The following DLGAP5 variants were observed in gnomAD, a reference collection of about 807,000 sequenced individuals.
DLGAP5 encodes disks large-associated protein 5.
Under a neutral mutation model 99.6 loss-of-function variants are expected in DLGAP5, and 90 were observed. The ratio of observed to expected loss-of-function variants is 0.90; its 90% CI spans 0.76 to 1.08. The LOEUF is 1.08. Among genes scored for constraint, DLGAP5 ranks in the 50% least tolerant of loss-of-function variants. The pLI is 0.00. For missense variants in DLGAP5, 1,036 were observed against 983.5 expected, an observed-to-expected ratio of 1.05 and a Z score of -0.71; for synonymous variants, 311 against 321.3, an observed-to-expected ratio of 0.97 and a Z score of 0.34.
At position 55,150,830 on chromosome 14, in the gene DLGAP5, C is replaced by T. The variant is rs1881988960; in HGVS notation, c.2387G>A (p.Ser796Asn). Residue 796 changes from serine to asparagine, a missense_variant, in exon 18 of 19, where the codon AGT becomes AAT. By Grantham distance (46) the Ser-to-Asn change is conservative. Coordinates refer to ENST00000247191, the MANE Select transcript of DLGAP5 (RefSeq NM_014750.5). ...ISQSELFDNK[S>N]LTTECHLLDS... ...AAGAAGGTGGCATTCAGTAGTGAGA[C>T]TTTTATTATCAAATAGTTCTGAAAA... 2 of 1,582,708 alleles carry T rather than the reference C, an allele frequency of 1.3e-6. No individual in the cohort carries two copies. The highest frequency in any genetic ancestry group is 1.7e-4 in the Middle Eastern group (1 of 5,930).
rs747869629 is a variant in DLGAP5 at position 55,189,112 on chromosome 14, A to G, written c.68T>C (p.Ile23Thr). The change falls in exon 2 of 19, where the codon ATT becomes ACT. Residue 23 changes from isoleucine to threonine, a missense_variant. Physicochemically the swap from Ile to Thr is moderately conservative, Grantham distance 89 (BLOSUM62 -1). Transcript: ENST00000247191. Reference protein sequence around the residue: ...DISTEMIRTKIAHRKSLSQKE... With the variant: ...DISTEMIRTKTAHRKSLSQKE... The stretch of plus-strand genomic sequence containing the variant: ...CTGAGACAGTGATTTCCTATGAGCA[A>G]TTTTAGTTCTAATCATTTCAGTACT... 2 of 1,613,966 alleles carry G rather than the reference A, an allele frequency of 1.2e-6. No individual in the cohort carries two copies. Among genetic ancestry groups the G allele is most frequent in the Non-Finnish European group, 1.7e-6 (2 of 1,179,956 alleles).
At chr14:55,167,776 G>A (rs964605945) in intron 12 of DLGAP5, among the ~76,000 whole-genome samples, 3 of 152,210 alleles carry the variant, frequency 2.0e-5, no homozygotes, top group Non-Finnish European at 4.4e-5. Context: ...AGAATTTTCA[G>A]AGTATTGTTC....
At chr14:55,182,268 T>G (rs542859377) in intron 4 of DLGAP5, 102 bp downstream of exon 4, 49 of 990,790 alleles carry the variant, frequency 4.9e-5, no homozygotes, top group Non-Finnish European at 7.0e-5. Flanking sequence ...CTCTAGTAAA[T>G]TAATCATTAT....
chr14:55,150,549 C>A (rs1453116747), intron 18 of DLGAP5: 1 of 261,550 alleles, frequency 3.8e-6, no homozygotes, highest in African/African-American at 2.3e-5. Flanking sequence ...ATTCAAGTAC[C>A]CAGTTTGTCA....
chr14:55,181,370 T>G, intron 4 of DLGAP5, 73 bp from the exon 5 acceptor site: 1 of 1,249,828 alleles, frequency 8.0e-7, no homozygotes, highest in Non-Finnish European at 1.1e-6. Context: ...AATCTGTAAA[T>G]TGATTCCTCA....
intron 14 of DLGAP5, among the ~76,000 whole-genome samples, chr14:55,156,728 G>C (rs988364181): frequency 6.6e-6 from 1 of 152,126 alleles, no homozygotes; most frequent in African/African-American, 2.4e-5. Flanking sequence ...ACAACTAGAT[G>C]AAAGTACCCT....
At chr14:55,159,043 AC>A (rs34645298) in intron 13 of DLGAP5, among the ~76,000 whole-genome samples, 8,783 of 136,002 alleles carry the variant, frequency 0.065, 362 homozygotes, top group South Asian at 0.11. Flanking sequence ...TAACCATGAC[AC>A]CCCCCCCCCA....
chr14:55,177,005 G>C, intron 8 of DLGAP5, 57 bp downstream of exon 8: 28 of 309,344 alleles, frequency 9.1e-5, no homozygotes, highest in Non-Finnish European at 1.1e-4. Flanking sequence ...AAAAAAAAAA[G>C]AAAGGCATTT....
chr14:55,180,872 C>T (rs1883248941), intron 5 of DLGAP5, 94 bp from the exon 6 acceptor site: 11 of 1,500,334 alleles, frequency 7.3e-6, no homozygotes, highest in Non-Finnish European at 1.0e-5. Flanking sequence ...CCTGTAGTCC[C>T]AGCTACTTGG....
At chr14:55,190,607 C>A (rs926110786) in intron 1 of DLGAP5, among the ~76,000 whole-genome samples, 2 of 152,138 alleles carry the variant, frequency 1.3e-5, no homozygotes, top group African/African-American at 4.8e-5. Flanking sequence ...TATTCTTCAA[C>A]AAGAATTAAC....
At chr14:55,166,157 C>A (rs1283433138) in intron 12 of DLGAP5, among the ~76,000 whole-genome samples, 1 of 152,100 alleles carries the variant, frequency 6.6e-6, no homozygotes, top group Admixed American at 6.5e-5. Flanking sequence ...AAATGACCAT[C>A]AATTGGTGAA....
In DLGAP5 at chr14:55,170,746, C is replaced by G. The variant is rs759488384; in HGVS notation, c.1343G>C (p.Cys448Ser). ...TTCAAGTTTCCTGTCCCACTCGAAG[C>G]AATGTGAAGTTAATTTCTCAGTTTC... ...QSETEKLTSH[C>S]FEWDRKLELD... The change falls in exon 11 of 19, where the codon TGC becomes TCC. Residue 448 changes from cysteine to serine, a missense_variant. Coordinates refer to ENST00000247191, the MANE Select transcript of DLGAP5 (RefSeq NM_014750.5). 1 of 1,613,688 alleles carries G rather than the reference C, an allele frequency of 6.2e-7. No homozygotes were observed. The highest frequency in any genetic ancestry group is 8.5e-7 in the Non-Finnish European group (1 of 1,179,748).
At chr14:55,176,040 T>C (rs547257867) in intron 8 of DLGAP5, 22 bp from the exon 9 acceptor site, 24 of 1,592,496 alleles carry the variant, frequency 1.5e-5, no homozygotes, top group South Asian at 2.3e-5. Context: ...AGCAAAAATA[T>C]ACTTCATGAA....
intron 17 of DLGAP5, among the ~76,000 whole-genome samples, chr14:55,151,074 G>C (rs752922481): frequency 2.0e-5 from 3 of 152,112 alleles, no homozygotes; most frequent in Admixed American, 6.5e-5. Context: ...AACATTAAAG[G>C]TACCCAGAAA....
At chr14:55,181,450 A>G (rs1176272053) in intron 4 of DLGAP5, among the ~76,000 whole-genome samples, 153 bp from the exon 5 acceptor site, 1 of 152,180 alleles carries the variant, frequency 6.6e-6, no homozygotes, top group African/African-American at 2.4e-5. Context: ...AATGAGATAA[A>G]GAAAAGCTTT....
intron 2 of DLGAP5, among the ~76,000 whole-genome samples, chr14:55,188,705 G>A (rs911566398): frequency 2.7e-5 from 4 of 149,686 alleles, no homozygotes; most frequent in African/African-American, 9.9e-5. Context: ...TTGAGCCCAG[G>A]AATTTGAGGT....
At chr14:55,151,243 T>C (rs1233651576) in intron 17 of DLGAP5, among the ~76,000 whole-genome samples, 2 of 152,168 alleles carry the variant, frequency 1.3e-5, no homozygotes, top group African/African-American at 4.8e-5. Flanking sequence ...CCATTTCCTA[T>C]TGCAGAACCA....
intron 2 of DLGAP5, among the ~76,000 whole-genome samples, chr14:55,184,030 G>A (rs752381250): frequency 3.9e-5 from 6 of 152,094 alleles, no homozygotes; most frequent in Non-Finnish European, 7.4e-5. Context: ...GCGGTCACCT[G>A]TAATCCCAGC....
At chr14:55,148,644 A>G (rs1420386543) in intron 18 of DLGAP5, 171 bp from the exon 19 acceptor site, 1 of 1,421,936 alleles carries the variant, frequency 7.0e-7, no homozygotes, top group South Asian at 1.2e-5. Flanking sequence ...ACTTGAACCC[A>G]GGACTTCAAG....
Sources: allele counts gnomAD v4.1 joint callset (sites outside exome capture counted in the v4.1 genomes callset), GRCh38; gene constraint gnomAD v4.1.1; transcripts MANE v1.5; gene names NCBI Gene and HGNC (gene_info 2026-07-23, HGNC 2026-07-21).